TTC39C: variants seen among roughly 807,000 people sequenced by gnomAD.
TTC39C encodes tetratricopeptide repeat protein 39C.
In TTC39C, 33 loss-of-function variants were observed where a neutral mutation model predicts 76.3. That is an observed-to-expected ratio of 0.43 (90% CI 0.33 to 0.58). The LOEUF is 0.58. Ranked by LOEUF, TTC39C falls within the 20% of genes least tolerant of loss-of-function variation. The pLI, the probability that TTC39C is intolerant of heterozygous loss-of-function variation, is 0.04. For synonymous variants in TTC39C, 254 were observed against 260.6 expected, an observed-to-expected ratio of 0.97 and a Z score of 0.24; for missense variants, 595 against 701.4, an observed-to-expected ratio of 0.85 and a Z score of 1.71.
intron 1 of TTC39C, among the ~76,000 whole-genome samples, chr18:23,993,715 G>A (rs1220159897): frequency 1.3e-5 from 2 of 151,958 alleles, no homozygotes; most frequent in Non-Finnish European, 2.9e-5. Flanking sequence ...GTCACAATTA[G>A]CAATGCTATT....
chr18:24,057,971 T>C (rs1490941746), intron 1 of TTC39C, among the ~76,000 whole-genome samples: 1 of 152,226 alleles, frequency 6.6e-6, no homozygotes, highest in Non-Finnish European at 1.5e-5. Context: ...TGTGGAATAC[T>C]ATGCAGCCAT....
At chr18:24,114,032 A>G (rs2084855687) in intron 6 of TTC39C, 1 of 304,804 alleles carries the variant, frequency 3.3e-6, no homozygotes, top group Non-Finnish European at 6.3e-6. Context: ...AACTGGGCTA[A>G]TGGAGCGGCT....
intron 1 of TTC39C, among the ~76,000 whole-genome samples, chr18:24,035,470 A>T (rs1451074068): frequency 1.3e-5 from 2 of 152,186 alleles, no homozygotes; most frequent in African/African-American, 4.8e-5. Context: ...TTTGTTCTGG[A>T]TAATAGCCAT....
intron 6 of TTC39C, among the ~76,000 whole-genome samples, chr18:24,102,845 C>A (rs1374665075): frequency 6.6e-6 from 1 of 152,182 alleles, no homozygotes; most frequent in East Asian, 1.9e-4. Flanking sequence ...TGCTGGCTCA[C>A]GCCTGTACAC....
Position 24,123,831 on chromosome 18 carries a change from C to A in TTC39C, c.1187-3C>A. 6.2e-7 allele frequency: 1 copy of A among 1,601,328 alleles called. No homozygotes were observed. Among genetic ancestry groups the A allele is most frequent in the Non-Finnish European group, 8.5e-7 (1 of 1,174,042 alleles). ...TAAGAAATATAATTATGGTTTCTTA[C>A]AGTTTGTCAGGGAGCCACTGGTGAT... On this transcript the variant is annotated splice_region_variant and splice_polypyrimidine_tract_variant and intron_variant, in intron 8 of 13. Coordinates refer to ENST00000317571, the MANE Select transcript of TTC39C (RefSeq NM_001135993.2).
intron 1 of TTC39C, among the ~76,000 whole-genome samples, chr18:24,046,003 A>G (rs1000468113): frequency 7.5e-6 from 1 of 133,918 alleles, no homozygotes; most frequent in Non-Finnish European, 1.5e-5. Context: ...CGACGGCACA[A>G]TCTCTGCTCA....
At position 24,027,559 on chromosome 18, in the gene TTC39C, CTT is replaced by C. The variant is rs1205765107; in HGVS notation, c.167+12538_167+12539del. Among the ~76,000 whole-genome samples, 126 of 134,312 alleles carry C rather than the reference CTT, an allele frequency of 9.4e-4. No individual in the cohort carries two copies. In the South Asian group the frequency reaches 0.02, roughly 22 times the overall value. 88.1% of individuals were successfully genotyped at this position (134,312 alleles called of 152,430 possible). ...TCAGCTGCACACATCTCTGAGGTGA[CTT>C]TTTTTTTTTTTTTTTTGAGATAGGG... On this transcript the variant is annotated intron_variant, in intron 1 of 13. Transcript: ENST00000317571.
intron 6 of TTC39C, among the ~76,000 whole-genome samples, chr18:24,103,954 C>T (rs1473249700): frequency 6.8e-5 from 10 of 147,930 alleles, no homozygotes; most frequent in African/African-American, 2.2e-4. Flanking sequence ...TTGTTTGAGA[C>T]GGAGTCTTGT....
At chr18:24,013,566 T>TA (rs948836490), upstream of TTC39C, among the ~76,000 whole-genome samples, 4 of 151,952 alleles carry the variant, frequency 2.6e-5, no homozygotes, top group East Asian at 3.9e-4. Flanking sequence ...TGCTTTCATT[T>TA]AAAAAAAATT....
chr18:24,063,804 G>A (rs1271852843), intron 1 of TTC39C, among the ~76,000 whole-genome samples: 1 of 152,056 alleles, frequency 6.6e-6, no homozygotes, highest in East Asian at 1.9e-4. Flanking sequence ...GTGAGCCACC[G>A]CGCCTGGCCT....
chr18:24,077,193 G>T (rs8088775), intron 4 of TTC39C: 35,562 of 152,442 alleles, frequency 0.23, 6,953 homozygotes, highest in African/African-American at 0.53. Context: ...CATTCCTGCT[G>T]CTCTCTCCTG....
intron 1 of TTC39C, among the ~76,000 whole-genome samples, chr18:24,026,431 G>A (rs1314557291): frequency 1.3e-5 from 2 of 152,182 alleles, no homozygotes; most frequent in Non-Finnish European, 2.9e-5. Flanking sequence ...AAAATGTGAG[G>A]AAATAGGGTC....
chr18:24,045,889 G>GAAAAAA (rs1193600114), intron 1 of TTC39C, among the ~76,000 whole-genome samples: 1 of 56,352 alleles, frequency 1.8e-5, no homozygotes, highest in African/African-American at 7.4e-5. Context: ...TTCCTTCTGT[G>GAAAAAA]AAAATATATA....
At chr18:24,116,331 C>G (rs1327942566) in intron 7 of TTC39C, among the ~76,000 whole-genome samples, 1 of 152,156 alleles carries the variant, frequency 6.6e-6, no homozygotes, top group Non-Finnish European at 1.5e-5. Flanking sequence ...TCGCCTAAAG[C>G]CAGGACTTCG....
At chr18:24,018,985 A>G (rs1267081950) in intron 1 of TTC39C, among the ~76,000 whole-genome samples, 1 of 152,110 alleles carries the variant, frequency 6.6e-6, no homozygotes, top group Non-Finnish European at 1.5e-5. Context: ...CACCATGACC[A>G]TTGTCCACAG....
chr18:24,073,297 T>G (rs1279668656), intron 4 of TTC39C, among the ~76,000 whole-genome samples: 1 of 152,160 alleles, frequency 6.6e-6, no homozygotes, highest in African/African-American at 2.4e-5. Context: ...ATTCCTTTTG[T>G]GCGGGGCATG....
chr18:24,116,769 T>C (rs1298672211), intron 7 of TTC39C, among the ~76,000 whole-genome samples: 1 of 151,928 alleles, frequency 6.6e-6, no homozygotes, highest in Non-Finnish European at 1.5e-5. Context: ...TCCACAGTTA[T>C]TCCTTCTTAG....
At chr18:24,098,631 G>A (rs1211591109) in intron 6 of TTC39C, among the ~76,000 whole-genome samples, 2 of 141,772 alleles carry the variant, frequency 1.4e-5, no homozygotes, top group Non-Finnish European at 3.0e-5. Flanking sequence ...TCTTCTGTTT[G>A]TCTCTTTTTC....
intron 1 of TTC39C, among the ~76,000 whole-genome samples, chr18:24,004,531 G>T (rs1599224829): frequency 6.6e-6 from 1 of 152,128 alleles, no homozygotes; most frequent in Non-Finnish European, 1.5e-5. Context: ...TCCTTAGTGT[G>T]GGCGTGTCTC....
Sources: gnomAD v4.1 joint callset for allele counts (sites outside exome capture counted in the v4.1 genomes callset) on GRCh38, gnomAD v4.1.1 for gene constraint, MANE v1.5 for transcripts, NCBI Gene and HGNC (gene_info 2026-07-23, HGNC 2026-07-21) for gene names.